SLC15A3: variants seen among roughly 807,000 people sequenced by gnomAD.
SLC15A3 encodes solute carrier family 15 member 3.
In SLC15A3, 39 loss-of-function variants were observed where a neutral mutation model predicts 49.2. The observed-to-expected ratio is 0.79, with a 90% confidence interval of 0.61 to 1.04. SLC15A3 has a LOEUF of 1.04. SLC15A3 is among the 50% of genes least tolerant of loss of function. The pLI is 0.00. For synonymous variants in SLC15A3, 339 were observed against 367.0 expected (o/e 0.92, Z 0.87); for missense variants, 758 against 794.8 (o/e 0.95, Z 0.56).
At chr11:60,948,235 G>T (rs1390172298) in intron 1 of SLC15A3, among the ~76,000 whole-genome samples, 3 of 152,140 alleles carry the variant, frequency 2.0e-5, no homozygotes, top group Non-Finnish European at 1.5e-5. Flanking sequence ...GGAGGGAGGG[G>T]CATACCAGCT....
At chr11:60,948,078 C>T (rs988556512) in intron 1 of SLC15A3, among the ~76,000 whole-genome samples, 4 of 152,190 alleles carry the variant, frequency 2.6e-5, no homozygotes, top group Non-Finnish European at 4.4e-5. Context: ...CTAGCTAGGG[C>T]GATTTTGTCA....
rs1856941763 is a variant in SLC15A3 at position 60,952,103 on chromosome 11, C to G, written c.-552G>C. ...GTCCCCCTCACCCCCACTGCCTACA[C>G]TCCCCTCTCAGTCCCCTGCAGCCCT... On this transcript the variant is annotated 5_prime_UTR_variant, in exon 1 of 8. Coordinates refer to ENST00000227880, the MANE Select transcript of SLC15A3 (RefSeq NM_016582.3). Among the ~76,000 whole-genome samples, 1 of 151,896 alleles carries G rather than the reference C, an allele frequency of 6.6e-6. No individual in the cohort carries two copies. Among genetic ancestry groups the G allele is most frequent in the South Asian group, 2.1e-4 (1 of 4,814 alleles).
At chr11:60,941,083 C>A (rs748719792) in intron 5 of SLC15A3, 39 bp downstream of exon 5, 6 of 1,573,940 alleles carry the variant, frequency 3.8e-6, no homozygotes. Flanking sequence ...CTTCCCCAAG[C>A]CCAAAGTTCA....
chr11:60,945,673 G>A lies in SLC15A3; in HGVS notation c.848+859C>T, dbSNP rs151080086. ...CATAAGTAGACAGTTAATTTAGGAA[G>A]GCGAGGGGCAAAAGGAAGCCATGGG... is the stretch of plus-strand genomic sequence containing the variant. On this transcript the variant is annotated intron_variant, in intron 2 of 7. Transcript: ENST00000227880. 5.9e-5 allele frequency among the ~76,000 whole-genome samples: 9 copies of A among 152,308 alleles called. No homozygotes were observed. In the East Asian group the frequency reaches 1.7e-3, roughly 29 times the overall value.
chr11:60,946,532 C>T lies in SLC15A3; in HGVS notation c.848G>A (p.Arg283Lys). 6.4e-7 allele frequency: 1 copy of T among 1,553,484 alleles called. No homozygotes were observed. Among genetic ancestry groups the T allele is most frequent in the Non-Finnish European group, 8.7e-7 (1 of 1,146,840 alleles). ...CPQLWQRHSA[R>K]DRQCARVLAD... ...CCCTGCACCCAGAGCCCCTCCTTAC[C>T]TGGCCGAGTGTCGTTGCCACAGCTG... Residue 283 changes from arginine (R) to lysine (K), a missense_variant and splice_region_variant, in exon 2 of 8, where the codon AGA becomes AAA. By Grantham distance (26) the Arg-to-Lys change is conservative. Around this residue, in one of 3 missense-constraint regions of SLC15A3, gnomAD observed 699 missense variants for 706.7 expected, o/e 0.99. Coordinates refer to ENST00000227880, the MANE Select transcript of SLC15A3 (RefSeq NM_016582.3).
Position 60,946,659 on chromosome 11 carries a change from AT to A in SLC15A3, c.720del (p.Phe242SerfsTer73). 6.2e-7 allele frequency: 1 copy of A among 1,614,146 alleles called. No individual in the cohort carries two copies. The highest frequency in any genetic ancestry group is 8.5e-7 in the Non-Finnish European group (1 of 1,180,004). ...YSIPVGCVGL[A>X]FFIFLFATPV... ...GGGGTGGCAAAGAGGAAGATGAAAA[AT>A]GCCAGGCCCACACAGCCCACAGGGA... On this transcript the variant is annotated frameshift_variant, in exon 2 of 8. Transcript: ENST00000227880. LOFTEE classifies it high-confidence loss of function.
At chr11:60,941,030 G>T in intron 5 of SLC15A3, 92 bp downstream of exon 5, 1 of 1,409,762 alleles carries the variant, frequency 7.1e-7, no homozygotes, top group Non-Finnish European at 9.5e-7. Flanking sequence ...GGCTGAACTT[G>T]GTCCAGGCTA....
chr11:60,946,777 C>T lies in SLC15A3; in HGVS notation c.603G>A (p.Trp201Ter). The change falls in exon 2 of 8, where the codon TGG becomes TGA. Residue 201 changes from tryptophan to a stop codon, truncating the protein, a stop_gained. Transcript: ENST00000227880. LOFTEE classifies it high-confidence loss of function. Reference sequence around the variant, plus strand: ...CACCCAGGTTGATGCTCCAGTAAAACCAGTTGAAGAAGCGGCGGGTGGCGT... The same window carrying T: ...CACCCAGGTTGATGCTCCAGTAAAATCAGTTGAAGAAGCGGCGGGTGGCGT... ...GRDATRRFFN[W>*]FYWSINLGAV... is the part of the protein sequence containing the mutation. The T allele has an allele frequency of 6.2e-7, 1 of 1,614,006 alleles. No homozygotes were observed. The highest frequency in any genetic ancestry group is 1.1e-5 in the South Asian group (1 of 91,084).
At position 60,951,245 on chromosome 11, in the gene SLC15A3, C is replaced by T. The variant is rs532158299; in HGVS notation, c.307G>A (p.Ala103Thr). ...LADVYLGRYR[A>T]VALSLLLYLA... is the part of the protein sequence containing the mutation. ...TAGAGCAGCAGGCTGAGCGCGACCG[C>T]GCGGTAGCGGCCCAGGTACACGTCG... The change falls in exon 1 of 8, where the codon GCG (alanine) becomes ACG (threonine). Residue 103 changes from alanine to threonine, a missense_variant. Physicochemically the swap from Ala to Thr is moderately conservative, Grantham distance 58 (BLOSUM62 0). Around this residue, in one of 3 missense-constraint regions of SLC15A3, gnomAD observed 699 missense variants for 706.7 expected, o/e 0.99. Coordinates refer to ENST00000227880, the MANE Select transcript of SLC15A3 (RefSeq NM_016582.3). The T allele has an allele frequency of 2.4e-5, 36 of 1,513,318 alleles. No individual in the cohort carries two copies. In the South Asian group the frequency reaches 4.4e-4, roughly 19 times the overall value. 93.7% of individuals were successfully genotyped at this position (1,513,318 alleles called of 1,614,324 possible).
intron 1 of SLC15A3, among the ~76,000 whole-genome samples, chr11:60,947,408 T>C (rs1467774531): frequency 6.6e-6 from 1 of 152,238 alleles, no homozygotes; most frequent in Non-Finnish European, 1.5e-5. Context: ...CTCGATCTCC[T>C]GACCTCGTGA....
At position 60,946,776 on chromosome 11, in the gene SLC15A3, A is replaced by T. The variant is rs750065131; in HGVS notation, c.604T>A (p.Phe202Ile). ...RDATRRFFNWFYWSINLGAVL... is the reference protein window; with the variant it reads ...RDATRRFFNWIYWSINLGAVL... Reference sequence around the variant, plus strand: ...GCACCCAGGTTGATGCTCCAGTAAAACCAGTTGAAGAAGCGGCGGGTGGCG... The same window carrying T: ...GCACCCAGGTTGATGCTCCAGTAAATCCAGTTGAAGAAGCGGCGGGTGGCG... Residue 202 changes from phenylalanine to isoleucine, a missense_variant, in exon 2 of 8, where the codon TTT becomes ATT. Around this residue, in one of 3 missense-constraint regions of SLC15A3, gnomAD observed 699 missense variants for 706.7 expected, o/e 0.99. Coordinates refer to ENST00000227880, the MANE Select transcript of SLC15A3 (RefSeq NM_016582.3). 1.2e-5 allele frequency: 19 copies of T among 1,613,786 alleles called. No homozygotes were observed. The highest frequency in any genetic ancestry group is 1.6e-5 in the Non-Finnish European group (19 of 1,179,920).
At chr11:60,948,560 C>T (rs189354607) in intron 1 of SLC15A3, among the ~76,000 whole-genome samples, 12 of 151,408 alleles carry the variant, frequency 7.9e-5, no homozygotes, top group Middle Eastern at 3.4e-3. Context: ...ATTCTGCAGC[C>T]GCTTCCTGCC....
At position 60,951,060 on chromosome 11, in the gene SLC15A3, G is replaced by T. The variant is rs765832069; in HGVS notation, c.492C>A (p.Gly164=). 3 of 1,493,444 alleles carry T rather than the reference G, an allele frequency of 2.0e-6. No individual in the cohort carries two copies. The highest frequency in any genetic ancestry group is 2.9e-5 in the African/African-American group (2 of 68,450). The allele number at this position is 1,493,444 out of a possible 1,614,324, so 92.5% of individuals were successfully genotyped here. The change falls in exon 1 of 8, where the codon GGC becomes GGA. Residue 164 remains glycine (G), a synonymous_variant. Coordinates refer to ENST00000227880, the MANE Select transcript of SLC15A3 (RefSeq NM_016582.3). ...SPYCAPVLYA[G]LLLLGLAASS... ...TGGCGGCCAGGCCGAGTAGCAGCAG[G>T]CCCGCGTAGAGGACGGGCGCGCAGT...
Position 60,951,117 on chromosome 11 carries a change from C to A in SLC15A3, c.435G>T (p.Ser145=). 6.8e-7 allele frequency: 1 copy of A among 1,478,818 alleles called. No individual in the cohort carries two copies. Among genetic ancestry groups the A allele is most frequent in the South Asian group, 1.3e-5 (1 of 76,430 alleles). The allele number at this position is 1,478,818 out of a possible 1,614,324, so 91.6% of individuals were successfully genotyped here. ...TGGGCGAGGAGCGCGGGCAGCCGGCCGAGGGGCAGGCAGGTCCCAGCGGCG... is the reference window on the plus strand; with the variant it reads ...TGGGCGAGGAGCGCGGGCAGCCGGCAGAGGGGCAGGCAGGTCCCAGCGGCG... ...PASPLGPACP[S]AGCPRSSPSP... Residue 145 remains serine (S), a synonymous_variant, in exon 1 of 8, where the codon TCG becomes TCT. Transcript: ENST00000227880.
Position 60,949,508 on chromosome 11 carries a change from GAAA to G in SLC15A3, c.558+1483_558+1485del, listed in dbSNP as rs1856866003. On this transcript the variant is annotated intron_variant, in intron 1 of 7. Coordinates refer to ENST00000227880, the MANE Select transcript of SLC15A3 (RefSeq NM_016582.3). Reference sequence around the variant, plus strand: ...AGGAAGAAAGAAAGAAAGAAGGAAAGAAAGAAAGAAAGAAAGAAAGAAAGAAAG... The same window carrying G: ...AGGAAGAAAGAAAGAAAGAAGGAAAGGAAAGAAAGAAAGAAAGAAAGAAAG... 7.8e-4 allele frequency among the ~76,000 whole-genome samples: 37 copies of G among 47,662 alleles called. 3 individuals carry two copies. Among genetic ancestry groups the G allele is most frequent in the African/African-American group, 1.9e-3 (36 of 19,064 alleles). 31.3% of individuals were successfully genotyped at this position (47,662 alleles called of 152,430 possible).
At position 60,946,010 on chromosome 11, in the gene SLC15A3, T is replaced by C. The variant is rs192504714; in HGVS notation, c.848+522A>G. On this transcript the variant is annotated intron_variant, in intron 2 of 7. Transcript: ENST00000227880. ...CTTCCTTTTTTTTCATTTTTCTTTTTTTATTTTTTTCCTGTTCTGTCACCC... is the reference window on the plus strand; with the variant it reads ...CTTCCTTTTTTTTCATTTTTCTTTTCTTATTTTTTTCCTGTTCTGTCACCC... Among the ~76,000 whole-genome samples, 751 of 152,240 alleles carry C rather than the reference T, an allele frequency of 4.9e-3. 19 individuals are homozygous for C. The highest frequency in any genetic ancestry group is 8.8e-4 in the Non-Finnish European group (60 of 68,018).
chr11:60,948,193 T>C (rs912503271), intron 1 of SLC15A3, among the ~76,000 whole-genome samples: 1 of 152,202 alleles, frequency 6.6e-6, no homozygotes, highest in African/African-American at 2.4e-5. Flanking sequence ...CCGCATTCCA[T>C]TGGAGATTCT....
Position 60,943,766 on chromosome 11 carries a change from T to C in SLC15A3, c.919A>G (p.Ile307Val). Residue 307 changes from isoleucine (I) to valine (V), a missense_variant, in exon 3 of 8, where the codon ATC becomes GTC. Coordinates refer to ENST00000227880, the MANE Select transcript of SLC15A3 (RefSeq NM_016582.3). Reference protein sequence around the residue: ...PQPGASPQEDIANFQVLVKIL... With the variant: ...PQPGASPQEDVANFQVLVKIL... ...TTCACCAGCACCTGGAAGTTGGCGA[T>C]GTCCTCTTGCGGGGAAGCCCCTGGC... 3.7e-6 allele frequency: 6 copies of C among 1,606,084 alleles called. No individual in the cohort carries two copies. The highest frequency in any genetic ancestry group is 5.1e-6 in the Non-Finnish European group (6 of 1,175,952).
In SLC15A3 at chr11:60,951,444, C is replaced by A; in HGVS notation, c.108G>T (p.Ala36=). The A allele has an allele frequency of 6.9e-7, 1 of 1,441,198 alleles. No homozygotes were observed. Among genetic ancestry groups the A allele is most frequent in the Non-Finnish European group, 9.1e-7 (1 of 1,093,224 alleles). 89.3% of individuals were successfully genotyped at this position (1,441,198 alleles called of 1,614,324 possible). A position where few individuals can be genotyped will look rare whatever the true frequency, so the allele number is the denominator to read the frequency against. The part of the protein sequence containing the change: ...GPRRWRRAAG[A]AVLLVEMLER... Reference sequence around the variant, plus strand: ...CCAGCATCTCCACCAGCAGCACGGCCGCGCCCGCCGCCCGCCGCCACCGTC... The same window carrying A: ...CCAGCATCTCCACCAGCAGCACGGCAGCGCCCGCCGCCCGCCGCCACCGTC... Residue 36 remains alanine, a synonymous_variant, in exon 1 of 8, where the codon GCG becomes GCT. Transcript: ENST00000227880.
Sources: allele counts gnomAD v4.1 joint callset (sites outside exome capture counted in the v4.1 genomes callset), GRCh38; gene constraint gnomAD v4.1.1; regional missense constraint gnomAD v4.1.1; transcripts MANE v1.5; gene names NCBI Gene and HGNC (gene_info 2026-07-23, HGNC 2026-07-21).